The following PCBD2 variants were observed in gnomAD, a reference collection of about 807,000 sequenced individuals.
PCBD2 encodes pterin-4-alpha-carbinolamine dehydratase 2.
In PCBD2, 12 loss-of-function variants were observed where a neutral mutation model predicts 16.4. The ratio of observed to expected loss-of-function variants is 0.73; its 90% CI spans 0.47 to 1.19. PCBD2 has a LOEUF of 1.19. PCBD2 is among the 50% of genes most tolerant of loss of function. PCBD2 has a pLI of 0.00. For synonymous variants in PCBD2, 58 were observed against 61.8 expected (o/e 0.94, Z 0.29); for missense variants, 138 against 156.8 (o/e 0.88, Z 0.64).
chr5:134,946,695 G>A (rs1036043948), intron 2 of PCBD2, among the ~76,000 whole-genome samples: 1 of 152,192 alleles, frequency 6.6e-6, no homozygotes, highest in Non-Finnish European at 1.5e-5. Flanking sequence ...TATAGAAAAT[G>A]TATTTACTGT....
Position 134,960,927 on chromosome 5 carries a change from T to A in PCBD2, c.*246T>A. On this transcript the variant is annotated 3_prime_UTR_variant, in exon 4 of 4. Coordinates refer to ENST00000254908, the MANE Select transcript of PCBD2 (RefSeq NM_032151.5). ...GATTACAAGCACGTGTCACCACGCC[T>A]GGCTAATTTTTGTATTTTTAGTATA... 3.1e-6 allele frequency: 1 copy of A among 325,858 alleles called. No homozygotes were observed. Among genetic ancestry groups the A allele is most frequent in the African/African-American group, 2.2e-5 (1 of 45,526 alleles). The allele number at this position is 325,858 out of a possible 1,614,324, so 20.2% of individuals were successfully genotyped here. A position where few individuals can be genotyped will look rare whatever the true frequency, so the allele number is the denominator to read the frequency against.
intron 1 of PCBD2, among the ~76,000 whole-genome samples, chr5:134,907,334 C>G (rs1016653070): frequency 3.9e-5 from 6 of 152,064 alleles, no homozygotes; most frequent in African/African-American, 1.4e-4. Flanking sequence ...AACTTTGCCT[C>G]CTGGGTTCAA....
intron 2 of PCBD2, among the ~76,000 whole-genome samples, chr5:134,937,563 C>T (rs1342793786): frequency 2.6e-5 from 4 of 152,230 alleles, no homozygotes; most frequent in Non-Finnish European, 5.9e-5. Context: ...ACTCACACAG[C>T]GGACATCCGC....
chr5:134,924,215 A>G (rs1750952548), intron 2 of PCBD2: 1 of 394,864 alleles, frequency 2.5e-6, no homozygotes, highest in Non-Finnish European at 4.5e-6. Context: ...GGGGTTTAGT[A>G]TTGATTGTTA....
chr5:134,951,524 G>C (rs1219653327), intron 2 of PCBD2, among the ~76,000 whole-genome samples: 2 of 152,162 alleles, frequency 1.3e-5, no homozygotes, highest in Non-Finnish European at 2.9e-5. Flanking sequence ...CAAATTCCTA[G>C]AAGTATTGTT....
At chr5:134,936,279 G>A (rs1433139785) in intron 2 of PCBD2, among the ~76,000 whole-genome samples, 1 of 152,180 alleles carries the variant, frequency 6.6e-6, no homozygotes, top group Admixed American at 6.5e-5. Flanking sequence ...GGAAGAGTAA[G>A]AAGGAGATGG....
chr5:134,938,265 G>A (rs1188676845), intron 2 of PCBD2, among the ~76,000 whole-genome samples: 3 of 152,170 alleles, frequency 2.0e-5, no homozygotes, highest in African/African-American at 7.2e-5. Context: ...TGTTGCCATC[G>A]ACTTTGGTGC....
chr5:134,923,597 G>A (rs1310845735), intron 2 of PCBD2: 3 of 348,034 alleles, frequency 8.6e-6, no homozygotes, highest in African/African-American at 2.1e-5. Flanking sequence ...ATGGGACGGC[G>A]GATAGCAGGT....
At chr5:134,934,091 T>C (rs907209777) in intron 2 of PCBD2, among the ~76,000 whole-genome samples, 9 of 152,226 alleles carry the variant, frequency 5.9e-5, no homozygotes, top group African/African-American at 2.2e-4. Context: ...TGGCAAATGA[T>C]GGCTTTCGAG....
At chr5:134,947,463 G>A (rs568411908) in intron 2 of PCBD2, among the ~76,000 whole-genome samples, 1 of 129,292 alleles carries the variant, frequency 7.7e-6, no homozygotes, top group Non-Finnish European at 1.6e-5. Context: ...GCGCAGTCTT[G>A]GCTCACTGCA....
chr5:134,913,105 A>T (rs1408695579), intron 2 of PCBD2, among the ~76,000 whole-genome samples: 2 of 152,316 alleles, frequency 1.3e-5, no homozygotes, highest in East Asian at 3.9e-4. Flanking sequence ...AATTTTTTAA[A>T]TTTTATCATG....
intron 2 of PCBD2, among the ~76,000 whole-genome samples, chr5:134,917,453 A>G (rs1373639200): frequency 6.6e-6 from 1 of 152,226 alleles, no homozygotes; most frequent in Non-Finnish European, 1.5e-5. Flanking sequence ...TGTGTAGGAC[A>G]TGAGGAGTTT....
intron 2 of PCBD2, chr5:134,923,277 T>C (rs984349386): frequency 6.5e-6 from 1 of 154,338 alleles, no homozygotes; most frequent in African/African-American, 2.4e-5. Context: ...CCTAATTCTC[T>C]TTGAGGAGCA....
At chr5:134,948,295 T>C (rs1043815091) in intron 2 of PCBD2, among the ~76,000 whole-genome samples, 8 of 152,230 alleles carry the variant, frequency 5.3e-5, no homozygotes, top group Non-Finnish European at 1.2e-4. Flanking sequence ...GTAGTGTCTC[T>C]TCAGGGAAAA....
chr5:134,916,493 A>G (rs1326282521), intron 2 of PCBD2, among the ~76,000 whole-genome samples: 1 of 152,116 alleles, frequency 6.6e-6, no homozygotes, highest in Non-Finnish European at 1.5e-5. Context: ...TTTAGTCTTC[A>G]TTTCTTTTGC....
chr5:134,961,852 C>G lies in PCBD2; in HGVS notation c.*1171C>G, dbSNP rs1288940365. 6.6e-6 allele frequency among the ~76,000 whole-genome samples: 1 copy of G among 151,818 alleles called. No individual in the cohort carries two copies. The highest frequency in any genetic ancestry group is 2.4e-5 in the African/African-American group (1 of 41,294). The stretch of plus-strand genomic sequence containing the variant: ...TCACGGTTTATTGCAGCCTTAACCT[C>G]CTGGGCTCAAGCAGTTCTCCCTCCT... On this transcript the variant is annotated 3_prime_UTR_variant, in exon 4 of 4. Transcript: ENST00000254908.
intron 2 of PCBD2, among the ~76,000 whole-genome samples, chr5:134,957,668 G>A (rs2149541279): frequency 6.6e-6 from 1 of 152,270 alleles, no homozygotes; most frequent in African/African-American, 2.4e-5. Context: ...CCACCAGCCT[G>A]GGCAACATAG....
intron 2 of PCBD2, among the ~76,000 whole-genome samples, chr5:134,946,980 T>G (rs1751302774): frequency 6.6e-6 from 1 of 152,142 alleles, no homozygotes; most frequent in Admixed American, 6.5e-5. Context: ...ATGTCATATA[T>G]AAACTGGAAT....
intron 1 of PCBD2, among the ~76,000 whole-genome samples, chr5:134,907,917 C>T (rs562521629): frequency 1.8e-4 from 27 of 149,880 alleles, no homozygotes; most frequent in African/African-American, 4.2e-4. Context: ...CCACCACGCC[C>T]GGACTTTTTT....
Sources: allele counts gnomAD v4.1 joint callset (sites outside exome capture counted in the v4.1 genomes callset), GRCh38; gene constraint gnomAD v4.1.1; transcripts MANE v1.5; gene names NCBI Gene and HGNC (gene_info 2026-07-23, HGNC 2026-07-21).